ZNF347: variants seen among roughly 807,000 people sequenced by gnomAD.
The protein encoded by ZNF347 is CTD-2620I22.7.
A neutral mutation model predicts 12.9 loss-of-function variants in ZNF347; 19 were observed. That is an observed-to-expected ratio of 1.47 (90% CI 1.03 to 2.16). ZNF347 has a LOEUF of 2.16. ZNF347 is among the 30% of genes most tolerant of loss of function. The pLI is 0.00. For synonymous variants in ZNF347, 328 were observed against 340.6 expected, an observed-to-expected ratio of 0.96 and a Z score of 0.41; for missense variants, 1,005 against 990.6, an observed-to-expected ratio of 1.01 and a Z score of -0.19.
In ZNF347 at chr19:53,142,205, T is replaced by C. The variant is rs752324311; in HGVS notation, c.623A>G (p.Asn208Ser). The C allele has an allele frequency of 2.5e-6, 4 of 1,613,806 alleles. No individual in the cohort carries two copies. Among genetic ancestry groups the C allele is most frequent in the Admixed American group, 1.7e-5 (1 of 59,958 alleles). Residue 208 changes from asparagine (N) to serine (S), a missense_variant, in exon 5 of 5, where the codon AAT (asparagine) becomes AGT (serine). Coordinates refer to ENST00000334197, the MANE Select transcript of ZNF347 (RefSeq NM_032584.3). The stretch of plus-strand genomic sequence containing the variant: ...ATTGTTGAAAGACTTCTCAACCTGA[T>C]TACATTCATAAATTTTCCCTTCATA... ...FQYEGKIYEC[N>S]QVEKSFNNNS...
chr19:53,153,515 C>T (rs1007413373), intron 2 of ZNF347, among the ~76,000 whole-genome samples: 1 of 152,154 alleles, frequency 6.6e-6, no homozygotes, highest in Middle Eastern at 3.2e-3. Flanking sequence ...GAGCCCTTCC[C>T]AGGACCATGC....
chr19:53,138,469 ATAGT>A lies in ZNF347; in HGVS notation c.*1835_*1838del, dbSNP rs1308491317. On this transcript the variant is annotated 3_prime_UTR_variant, in exon 5 of 5. Transcript: ENST00000334197. ...CTTCATGTAAATAAAGATGCATGCCATAGTTATTTAGCACACAAGCATGTAAAAA... is the reference window on the plus strand; with the variant it reads ...CTTCATGTAAATAAAGATGCATGCCATATTTAGCACACAAGCATGTAAAAA... 4 of 152,158 alleles carry A rather than the reference ATAGT, an allele frequency of 2.6e-5. No individual in the cohort carries two copies. Among genetic ancestry groups the A allele is most frequent in the African/African-American group, 4.8e-5 (2 of 41,438 alleles). 9.4% of individuals were successfully genotyped at this position (152,158 alleles called of 1,614,324 possible). A position where few individuals can be genotyped will look rare whatever the true frequency, so the allele number is the denominator to read the frequency against.
Position 53,140,228 on chromosome 19 carries a change from G to T in ZNF347, c.*80C>A. The T allele has an allele frequency of 7.5e-7, 1 of 1,334,694 alleles. No individual in the cohort carries two copies. The highest frequency in any genetic ancestry group is 1.0e-6 in the Non-Finnish European group (1 of 971,486). 82.7% of individuals were successfully genotyped at this position (1,334,694 alleles called of 1,614,324 possible). A position where few individuals can be genotyped will look rare whatever the true frequency, so the allele number is the denominator to read the frequency against. On this transcript the variant is annotated 3_prime_UTR_variant, in exon 5 of 5. Coordinates refer to ENST00000334197, the MANE Select transcript of ZNF347 (RefSeq NM_032584.3). ...CATTGCATTTTCAAGGAATCTCTCA[G>T]GCATAAATTCTCTGACGTTGTCAAA...
chr19:53,148,599 C>T (rs2090477318), intron 4 of ZNF347, 82 bp downstream of exon 4: 5 of 1,464,860 alleles, frequency 3.4e-6, no homozygotes, highest in Middle Eastern at 1.8e-4. Context: ...AACTTGTTTT[C>T]CCACAGAACT....
chr19:53,145,335 C>A (rs1049676871), intron 4 of ZNF347, among the ~76,000 whole-genome samples: 5 of 145,678 alleles, frequency 3.4e-5, no homozygotes, highest in Non-Finnish European at 4.5e-5. Context: ...GGAAATTAGA[C>A]AACATATTCC....
intron 4 of ZNF347, among the ~76,000 whole-genome samples, chr19:53,146,651 G>A (rs1242585108): frequency 1.1e-4 from 16 of 151,830 alleles, no homozygotes; most frequent in African/African-American, 3.9e-4. Context: ...GTGGGGGGAG[G>A]TACACCCAAA....
In ZNF347 at chr19:53,139,246, T is replaced by C. The variant is rs1442527409; in HGVS notation, c.*1062A>G. 1 of 152,222 alleles carries C rather than the reference T, an allele frequency of 6.6e-6. No individual in the cohort carries two copies. Among genetic ancestry groups the C allele is most frequent in the Non-Finnish European group, 1.5e-5 (1 of 68,032 alleles). The allele number at this position is 152,222 out of a possible 1,614,324, so 9.4% of individuals were successfully genotyped here. A position where few individuals can be genotyped will look rare whatever the true frequency, so the allele number is the denominator to read the frequency against. On this transcript the variant is annotated 3_prime_UTR_variant, in exon 5 of 5. Coordinates refer to ENST00000334197, the MANE Select transcript of ZNF347 (RefSeq NM_032584.3). ...ACCCTGAACACAATCAGTATGATGATTGATATCATAGTTTTACATTATTTT... is the reference window on the plus strand; with the variant it reads ...ACCCTGAACACAATCAGTATGATGACTGATATCATAGTTTTACATTATTTT...
rs1046870800 is a variant in ZNF347, at chr19:53,137,168, G to A, written c.*3140C>T. ...CCCAAAGTGCTGGGATTACAGGCATGAGCCTGTAATTTCTGGCCATGCCTG... is the reference window on the plus strand; with the variant it reads ...CCCAAAGTGCTGGGATTACAGGCATAAGCCTGTAATTTCTGGCCATGCCTG... On this transcript the variant is annotated 3_prime_UTR_variant, in exon 5 of 5. Transcript: ENST00000334197. 7.9e-5 allele frequency: 12 copies of A among 152,192 alleles called. No homozygotes were observed. The highest frequency in any genetic ancestry group is 2.4e-4 in the African/African-American group (10 of 41,448). The allele number at this position is 152,192 out of a possible 1,614,324, so 9.4% of individuals were successfully genotyped here. A position where few individuals can be genotyped will look rare whatever the true frequency, so the allele number is the denominator to read the frequency against.
intron 2 of ZNF347, 165 bp from the exon 3 acceptor site, chr19:53,149,532 T>G: frequency 1.5e-6 from 2 of 1,323,278 alleles, no homozygotes; most frequent in Non-Finnish European, 2.0e-6. Context: ...GACATACATC[T>G]CACTTGGAAT....
At chr19:53,143,399 C>G (rs2090442622) in intron 4 of ZNF347, among the ~76,000 whole-genome samples, 1 of 128,742 alleles carries the variant, frequency 7.8e-6, no homozygotes, top group South Asian at 2.7e-4. Flanking sequence ...CACAACAGTC[C>G]CCAGAGTGTG....
intron 2 of ZNF347, among the ~76,000 whole-genome samples, chr19:53,151,588 G>A (rs1465316541): frequency 1.4e-5 from 2 of 146,304 alleles, no homozygotes; most frequent in Admixed American, 6.8e-5. Context: ...ACATGAAAAG[G>A]ATCTAAATGA....
rs371839745 is a variant in ZNF347, at chr19:53,140,964, C to T, written c.1864G>A (p.Glu622Lys). 26 of 1,613,706 alleles carry T rather than the reference C, an allele frequency of 1.6e-5. No homozygotes were observed. Among genetic ancestry groups the T allele is most frequent in the Non-Finnish European group, 2.1e-5 (25 of 1,180,000 alleles). Residue 622 changes from glutamate to lysine, a missense_variant, in exon 5 of 5, where the codon GAG becomes AAG. Physicochemically the swap from Glu to Lys is moderately conservative, Grantham distance 56. Transcript: ENST00000334197. The part of the protein sequence containing the change: ...LSRHQRIHTG[E>K]KPYKYNEYGK... The stretch of plus-strand genomic sequence containing the variant: ...TACTCATTATACTTGTAAGGTTTCT[C>T]TCCAGTATGAATTCGCTGATGCCTT...
intron 2 of ZNF347, among the ~76,000 whole-genome samples, chr19:53,149,842 C>T (rs925174428): frequency 2.6e-5 from 4 of 152,034 alleles, no homozygotes; most frequent in African/African-American, 9.7e-5. Flanking sequence ...GAGGACGCCC[C>T]CACCGACCCC....
At chr19:53,153,259 G>T (rs1212765702) in intron 2 of ZNF347, among the ~76,000 whole-genome samples, 1 of 152,210 alleles carries the variant, frequency 6.6e-6, no homozygotes, top group African/African-American at 2.4e-5. Context: ...TAGAAACACA[G>T]TGACTCACTT....
Position 53,144,444 on chromosome 19 carries a change from A to C in ZNF347, c.272-1888T>G, listed in dbSNP as rs547623108. On this transcript the variant is annotated intron_variant, in intron 4 of 4. Coordinates refer to ENST00000334197, the MANE Select transcript of ZNF347 (RefSeq NM_032584.3). The stretch of plus-strand genomic sequence containing the variant: ...ACATAATAAATAAGTACACACCCAA[A>C]TATGTAAAGCTAATGTTAATAAATC... 8.9e-4 allele frequency among the ~76,000 whole-genome samples: 136 copies of C among 152,276 alleles called. 1 individual carries two copies. In the South Asian group the frequency reaches 0.011, roughly 13 times the overall value.
rs1350657630 is a variant in ZNF347 at position 53,136,639 on chromosome 19, G to A, written c.*3669C>T. On this transcript the variant is annotated 3_prime_UTR_variant, in exon 5 of 5. Transcript: ENST00000334197. ...TTACACAATACCATAAACTGAACAAGACATGAATATAACACAGCCTTTGGA... is the reference window on the plus strand; with the variant it reads ...TTACACAATACCATAAACTGAACAAAACATGAATATAACACAGCCTTTGGA... 6.6e-6 allele frequency: 1 copy of A among 151,854 alleles called. No homozygotes were observed. The highest frequency in any genetic ancestry group is 1.5e-5 in the Non-Finnish European group (1 of 67,976). 9.4% of individuals were successfully genotyped at this position (151,854 alleles called of 1,614,324 possible). A position where few individuals can be genotyped will look rare whatever the true frequency, so the allele number is the denominator to read the frequency against.
rs776437157 is a variant in ZNF347, at chr19:53,140,675, A to T, written c.2153T>A (p.Phe718Tyr). Residue 718 changes from phenylalanine (F) to tyrosine (Y), a missense_variant, in exon 5 of 5, where the codon TTT (phenylalanine) becomes TAT (tyrosine). Coordinates refer to ENST00000334197, the MANE Select transcript of ZNF347 (RefSeq NM_032584.3). Reference protein sequence around the residue: ...PYECNQCGKAFSVRSSLTTHQ... With the variant: ...PYECNQCGKAYSVRSSLTTHQ... ...GGTAGTTAGGCTTGAACGGACACTA[A>T]AGGCTTTCCCACACTGATTACACTC... 1 of 1,610,924 alleles carries T rather than the reference A, an allele frequency of 6.2e-7. No individual in the cohort carries two copies. The highest frequency in any genetic ancestry group is 2.2e-5 in the East Asian group (1 of 44,730).
Position 53,142,209 on chromosome 19 carries a change from ATTCATAAAT to A in ZNF347, c.610_618del (p.Ile204_Glu206del), listed in dbSNP as rs1200121766. 1 of 1,613,548 alleles carries A rather than the reference ATTCATAAAT, an allele frequency of 6.2e-7. No individual in the cohort carries two copies. The highest frequency in any genetic ancestry group is 1.3e-5 in the African/African-American group (1 of 74,904). On this transcript the variant is annotated inframe_deletion, in exon 5 of 5. Coordinates refer to ENST00000334197, the MANE Select transcript of ZNF347 (RefSeq NM_032584.3). Reference sequence around the variant, plus strand: ...TTGAAAGACTTCTCAACCTGATTACATTCATAAATTTTCCCTTCATATTGAAAAAGCTGC... The same window carrying A: ...TTGAAAGACTTCTCAACCTGATTACATTTCCCTTCATATTGAAAAAGCTGC...
intron 1 of ZNF347, among the ~76,000 whole-genome samples, chr19:53,154,855 A>AG (rs907813177): frequency 3.3e-5 from 5 of 152,118 alleles, no homozygotes; most frequent in African/African-American, 1.2e-4. Flanking sequence ...TAAAGTAAAA[A>AG]AAAAAAAAAT....
Sources: allele counts gnomAD v4.1 joint callset (sites outside exome capture counted in the v4.1 genomes callset), GRCh38; gene constraint gnomAD v4.1.1; transcripts MANE v1.5; gene names NCBI Gene and HGNC (gene_info 2026-07-23, HGNC 2026-07-21).